Variants in ZNF540 observed in about 807,000 individuals in gnomAD.
ZNF540 encodes CTD-3064H18.6.
In ZNF540, 3 loss-of-function variants were observed where a neutral mutation model predicts 11.8. The observed-to-expected ratio is 0.25, with a 90% CI of 0.12 to 0.65. The LOEUF is 0.65. ZNF540 is among the 30% of genes least tolerant of loss of function. The pLI is 0.83. For synonymous variants in ZNF540, 247 were observed against 259.0 expected, an observed-to-expected ratio of 0.95 and a Z score of 0.45; for missense variants, 709 against 793.1, an observed-to-expected ratio of 0.89 and a Z score of 1.27.
chr19:37,558,617 G>A lies in ZNF540; in HGVS notation c.-73+6952G>A, dbSNP rs927432780. Among the ~76,000 whole-genome samples the A allele has an allele frequency of 7.9e-5, 12 of 152,114 alleles. No homozygotes were observed. The South Asian group carries it at 1.9e-3, about 24-fold the overall frequency. On this transcript the variant is annotated intron_variant, in intron 1 of 4. Transcript: ENST00000592533. ...TTGGGTCCCAATTAGGCCGGGTAGA[G>A]AGAAAGACCTCTGTGCACATTTCTG...
chr19:37,565,316 GTC>G, intron 1 of ZNF540: 1 of 1,611,914 alleles, frequency 6.2e-7, no homozygotes, highest in Non-Finnish European at 8.5e-7. Flanking sequence ...ACGAAAAAAG[GTC>G]TTCCCGCATT....
intron 1 of ZNF540, chr19:37,565,074 A>G: frequency 6.2e-7 from 1 of 1,613,322 alleles, no homozygotes; most frequent in South Asian, 1.1e-5. Flanking sequence ...GCCTTTCCAC[A>G]TTCCTTACAT....
intron 4 of ZNF540, among the ~76,000 whole-genome samples, chr19:37,607,014 A>G (rs543376418): frequency 3.0e-4 from 45 of 151,642 alleles, no homozygotes; most frequent in Non-Finnish European, 5.3e-4. Flanking sequence ...TATCTTCTTG[A>G]TTTGTAAGAG....
chr19:37,604,296 C>CTTTTTTTTTTTT (rs769163050), intron 4 of ZNF540, among the ~76,000 whole-genome samples: 1,458 of 75,124 alleles, frequency 0.019, 409 homozygotes, highest in Non-Finnish European at 0.024. Context: ...AATAGCCTTA[C>CTTTTTTTTTTTT]TTTTTTTTTT....
chr19:37,583,719 T>C (rs1181484945), intron 1 of ZNF540: 6 of 357,804 alleles, frequency 1.7e-5, no homozygotes, highest in Non-Finnish European at 3.1e-5. Flanking sequence ...AAATGGTGCA[T>C]GGTCATGCTA....
At chr19:37,592,963 T>C (rs2043910143), upstream of ZNF540, among the ~76,000 whole-genome samples, 1 of 152,230 alleles carries the variant, frequency 6.6e-6, no homozygotes, top group South Asian at 2.1e-4. Flanking sequence ...AAATGCAATG[T>C]GTGGACTCTA....
chr19:37,551,420 G>A (rs2042603466), exon 1 of ZNF540: 1 of 152,284 alleles, frequency 6.6e-6, no homozygotes, highest in Non-Finnish European at 1.5e-5. Context: ...CTAGCGGCTT[G>A]GCGGAGCTGG....
intron 4 of ZNF540, among the ~76,000 whole-genome samples, chr19:37,609,184 A>G (rs1391178035): frequency 6.6e-6 from 1 of 152,188 alleles, no homozygotes; most frequent in East Asian, 1.9e-4. Flanking sequence ...TTCTCTATCA[A>G]GTATAGGAAT....
intron 1 of ZNF540, among the ~76,000 whole-genome samples, chr19:37,597,755 A>AG (rs1184530854): frequency 6.6e-6 from 1 of 152,254 alleles, no homozygotes; most frequent in East Asian, 1.9e-4. Context: ...AGGACCAAAT[A>AG]GGAAGTATTT....
chr19:37,596,230 C>T (rs1177717695), intron 1 of ZNF540, among the ~76,000 whole-genome samples: 1 of 152,084 alleles, frequency 6.6e-6, no homozygotes, highest in African/African-American at 2.4e-5. Flanking sequence ...TGAAGATATT[C>T]GCGTCAACAT....
upstream of ZNF540, among the ~76,000 whole-genome samples, chr19:37,593,651 C>G (rs1056681653): frequency 1.3e-5 from 2 of 152,128 alleles, no homozygotes; most frequent in East Asian, 1.9e-4. Flanking sequence ...TGCAGTGAGC[C>G]GAGACCGCAC....
chr19:37,588,049 A>C (rs2043737629), intron 1 of ZNF540, among the ~76,000 whole-genome samples: 1 of 131,998 alleles, frequency 7.6e-6, no homozygotes, highest in Non-Finnish European at 1.5e-5. Flanking sequence ...GCAGTGACCC[A>C]AGATTGCGCC....
At chr19:37,580,281 C>G (rs1451922118) in intron 1 of ZNF540, among the ~76,000 whole-genome samples, 1 of 152,240 alleles carries the variant, frequency 6.6e-6, no homozygotes, top group Admixed American at 6.5e-5. Context: ...ATGATATATA[C>G]TGTGCTACAG....
chr19:37,561,048 C>CAAAAAAAAAA (rs199892724), intron 1 of ZNF540, among the ~76,000 whole-genome samples: 16 of 73,764 alleles, frequency 2.2e-4, no homozygotes, highest in Non-Finnish European at 3.1e-4. Context: ...CCTGTCTCTA[C>CAAAAAAAAAA]AAAAAAAAAA....
At chr19:37,589,863 T>A (rs1407805640), upstream of ZNF540, among the ~76,000 whole-genome samples, 1 of 2,332 alleles carries the variant, frequency 4.3e-4, no homozygotes, top group Non-Finnish European at 5.7e-4. Flanking sequence ...AGACTCCATC[T>A]CAAAAAAAAA....
intron 1 of ZNF540, among the ~76,000 whole-genome samples, chr19:37,580,038 A>G (rs1336301091): frequency 6.6e-6 from 1 of 152,198 alleles, no homozygotes; most frequent in Non-Finnish European, 1.5e-5. Context: ...GCTTTATCGT[A>G]TGAGGCTATA....
intron 4 of ZNF540, among the ~76,000 whole-genome samples, chr19:37,608,487 T>C (rs939657625): frequency 2.0e-5 from 3 of 152,226 alleles, no homozygotes; most frequent in Non-Finnish European, 4.4e-5. Flanking sequence ...TTAAAATTCC[T>C]GGTCTGATAA....
At chr19:37,562,152 G>A (rs192287982) in intron 1 of ZNF540, among the ~76,000 whole-genome samples, 216 of 152,322 alleles carry the variant, frequency 1.4e-3, no homozygotes, top group Middle Eastern at 0.014. Flanking sequence ...GGAGGCTGAG[G>A]CAGACAGATC....
At chr19:37,600,902 C>T in intron 3 of ZNF540, 108 bp from the exon 4 acceptor site, 4 of 933,878 alleles carry the variant, frequency 4.3e-6, no homozygotes, top group Admixed American at 2.5e-5. Flanking sequence ...TTTCCGAAGT[C>T]TTCATCGAAA....
Sources: gnomAD v4.1 joint callset for allele counts (sites outside exome capture counted in the v4.1 genomes callset) on GRCh38, gnomAD v4.1.1 for gene constraint, MANE v1.5 for transcripts, NCBI Gene and HGNC (gene_info 2026-07-23, HGNC 2026-07-21) for gene names.